TIAM1: variants seen among roughly 807,000 people sequenced by gnomAD.
The protein encoded by TIAM1 is TIAM Rac1 associated GEF 1.
Under a neutral mutation model 163.5 loss-of-function variants are expected in TIAM1, and 65 were observed. The ratio of observed to expected loss-of-function variants is 0.40; its 90% confidence interval spans 0.33 to 0.49. The LOEUF (loss-of-function observed/expected upper bound fraction) is 0.49. TIAM1 is among the 20% of genes least tolerant of loss of function. The pLI is 0.77. For missense variants in TIAM1, 1,789 were observed against 2,044.7 expected, an observed-to-expected ratio of 0.87 and a Z score of 2.41; for synonymous variants, 833 against 810.1, an observed-to-expected ratio of 1.03 and a Z score of -0.48.
intron 19 of TIAM1, among the ~76,000 whole-genome samples, chr21:31,147,402 C>G (rs1374368426): frequency 6.6e-6 from 1 of 151,934 alleles, no homozygotes; most frequent in Non-Finnish European, 1.5e-5. Context: ...CCTCCCGCCC[C>G]CGAAGCAGAA....
rs74794085 is a variant in TIAM1, at chr21:31,177,063, G to A, written c.2887+5358C>T. On this transcript the variant is annotated intron_variant, in intron 15 of 27. Coordinates refer to ENST00000541036, the MANE Select transcript of TIAM1 (RefSeq NM_001353694.2). Reference sequence around the variant, plus strand: ...AGAAGGCAGGGAGAATACTGAAAAAGAGCAATCTCTGGTCATAGGCCAGGG... The same window carrying A: ...AGAAGGCAGGGAGAATACTGAAAAAAAGCAATCTCTGGTCATAGGCCAGGG... Among the ~76,000 whole-genome samples, 975 of 152,344 alleles carry A rather than the reference G, an allele frequency of 6.4e-3. 9 individuals carry two copies. The highest frequency in any genetic ancestry group is 0.022 in the African/African-American group (920 of 41,564).
chr21:31,461,837 TC>T (rs1387828580), intron 2 of TIAM1, among the ~76,000 whole-genome samples: 1 of 152,044 alleles, frequency 6.6e-6, no homozygotes. Context: ...GGCTAATTTT[TC>T]TATATTTTTG....
chr21:31,486,842 ATGTCACACGAGGGAGCACTGAGACC>A (rs1830566681), intron 1 of TIAM1, among the ~76,000 whole-genome samples: 1 of 152,188 alleles, frequency 6.6e-6, no homozygotes, highest in African/African-American at 2.4e-5. Context: ...AGGCCCCCGC[ATGTCACACGAGGGAGCACTGAGACC>A]TTTCTGCTGT....
chr21:31,133,476 G>A (rs1256784194), intron 23 of TIAM1, among the ~76,000 whole-genome samples: 2 of 152,192 alleles, frequency 1.3e-5, no homozygotes, highest in Non-Finnish European at 2.9e-5. Context: ...CACCCACACC[G>A]ACTTCTCATA....
chr21:31,518,867 C>G (rs1018518454), intron 1 of TIAM1, among the ~76,000 whole-genome samples: 2 of 152,176 alleles, frequency 1.3e-5, no homozygotes, highest in African/African-American at 4.8e-5. Flanking sequence ...GGAAAACAAT[C>G]ACCCTGGTAA....
rs777513192 is a variant in TIAM1, at chr21:31,213,412, C to G, written c.2203G>C (p.Val735Leu). 2.5e-6 allele frequency: 4 copies of G among 1,610,070 alleles called. No individual in the cohort carries two copies. In the East Asian group the frequency reaches 8.9e-5, roughly 36 times the overall value. The stretch of plus-strand genomic sequence containing the variant: ...TTTATTTTTACCTTGCCATCTGGAA[C>G]AATGTCATCAAATATTCCCTCTAAA... ...KSLEGIFDDIVPDGKREKEVV... is the reference protein window; with the variant it reads ...KSLEGIFDDILPDGKREKEVV... The change falls in exon 10 of 28, where the codon GTT becomes CTT. Residue 735 changes from valine (V) to leucine (L), a missense_variant. Val to Leu is a conservative substitution (Grantham distance 32). Transcript: ENST00000541036.
intron 2 of TIAM1, among the ~76,000 whole-genome samples, chr21:31,285,390 G>T (rs979805305): frequency 6.6e-6 from 1 of 152,218 alleles, no homozygotes; most frequent in Admixed American, 6.5e-5. Context: ...TGCTGGAAAG[G>T]TCACGGGGAT....
At chr21:31,189,535 T>C (rs943013628) in intron 13 of TIAM1, among the ~76,000 whole-genome samples, 6 of 152,170 alleles carry the variant, frequency 3.9e-5, no homozygotes, top group Non-Finnish European at 5.9e-5. Flanking sequence ...GGAAAGAGGA[T>C]GGAAGAAACG....
intron 1 of TIAM1, among the ~76,000 whole-genome samples, chr21:31,507,559 A>G (rs1273279594): frequency 2.0e-5 from 3 of 152,118 alleles, no homozygotes; most frequent in African/African-American, 7.2e-5. Flanking sequence ...TACAACTAAT[A>G]GCAAAATATG....
intron 2 of TIAM1, among the ~76,000 whole-genome samples, chr21:31,327,065 A>T (rs2075512931): frequency 6.6e-6 from 1 of 152,318 alleles, no homozygotes; most frequent in African/African-American, 2.4e-5. Flanking sequence ...CAAATGGTTC[A>T]CTTATTTCAG....
chr21:31,388,337 G>C (rs1476290078), intron 2 of TIAM1, among the ~76,000 whole-genome samples: 2 of 151,772 alleles, frequency 1.3e-5, no homozygotes, highest in Admixed American at 1.3e-4. Context: ...GCAGGGGACA[G>C]GGTGGTCAAG....
intron 2 of TIAM1, among the ~76,000 whole-genome samples, chr21:31,356,303 G>A (rs1445310679): frequency 6.6e-6 from 1 of 152,128 alleles, no homozygotes; most frequent in East Asian, 1.9e-4. Context: ...GAAATACACA[G>A]ATTATTAATA....
At chr21:31,279,748 C>T (rs1299870730) in intron 2 of TIAM1, among the ~76,000 whole-genome samples, 1 of 152,140 alleles carries the variant, frequency 6.6e-6, no homozygotes, top group Non-Finnish European at 1.5e-5. Flanking sequence ...ATCTCAGGAT[C>T]GGTTCTCAAT....
chr21:31,540,811 A>C (rs1468728606), intron 1 of TIAM1, among the ~76,000 whole-genome samples: 1 of 152,232 alleles, frequency 6.6e-6, no homozygotes, highest in Non-Finnish European at 1.5e-5. Context: ...ACAATGTTTA[A>C]AGTAATAAAC....
chr21:31,506,183 C>T (rs1392219060), intron 1 of TIAM1, among the ~76,000 whole-genome samples: 1 of 151,786 alleles, frequency 6.6e-6, no homozygotes, highest in Non-Finnish European at 1.5e-5. Flanking sequence ...CAGCCACCTA[C>T]ACAGGCTCCC....
In TIAM1 at chr21:31,237,885, G is replaced by A. The variant is rs771663734; in HGVS notation, c.1584+7603C>T. On this transcript the variant is annotated intron_variant, in intron 6 of 27. Coordinates refer to ENST00000541036, the MANE Select transcript of TIAM1 (RefSeq NM_001353694.2). Reference sequence around the variant, plus strand: ...GTAATGAATGAATGAAGGCCCAATAGGAAATTGTACTTTGTAGGTGGTAGG... The same window carrying A: ...GTAATGAATGAATGAAGGCCCAATAAGAAATTGTACTTTGTAGGTGGTAGG... Among the ~76,000 whole-genome samples, 23 of 152,160 alleles carry A rather than the reference G, an allele frequency of 1.5e-4. 1 individual carries two copies. Among genetic ancestry groups the A allele is most frequent in the Non-Finnish European group, 2.1e-4 (14 of 68,030 alleles).
At chr21:31,454,565 C>T (rs955437123) in intron 2 of TIAM1, among the ~76,000 whole-genome samples, 1 of 152,054 alleles carries the variant, frequency 6.6e-6, no homozygotes, top group Non-Finnish European at 1.5e-5. Flanking sequence ...GAGGAAGGGG[C>T]CATGTGGAAC....
rs151018178 is a variant in TIAM1 at position 31,397,048 on chromosome 21, T to A, written c.-368-57626A>T. 7.1e-3 allele frequency among the ~76,000 whole-genome samples: 1,075 copies of A among 152,252 alleles called. 9 individuals carry two copies. The highest frequency in any genetic ancestry group is 9.6e-3 in the Non-Finnish European group (653 of 68,000). ...GATCCTTCGATCGCTGTGATATGATTGTATTTAAGCGAACAACATTCTAGC... is the reference window on the plus strand; with the variant it reads ...GATCCTTCGATCGCTGTGATATGATAGTATTTAAGCGAACAACATTCTAGC... On this transcript the variant is annotated intron_variant, in intron 2 of 28. Coordinates refer to the TIAM1 transcript ENST00000286827.
At position 31,211,969 on chromosome 21, in the gene TIAM1, T is replaced by C. The variant is rs962946003; in HGVS notation, c.2217+1429A>G. Among the ~76,000 whole-genome samples, 12 of 152,214 alleles carry C rather than the reference T, an allele frequency of 7.9e-5. No homozygotes were observed. In the East Asian group the frequency reaches 1.2e-3, roughly 15 times the overall value. ...CTAGAGAAGATATCTCAGTATTAAA[T>C]GTGGACTAATAATGGTATGCAAGAT... On this transcript the variant is annotated intron_variant, in intron 10 of 27. Coordinates refer to ENST00000541036, the MANE Select transcript of TIAM1 (RefSeq NM_001353694.2).
Sources: allele counts gnomAD v4.1 joint callset (sites outside exome capture counted in the v4.1 genomes callset), GRCh38; gene constraint gnomAD v4.1.1; transcripts MANE v1.5; gene names NCBI Gene and HGNC (gene_info 2026-07-23, HGNC 2026-07-21).